EYS: variants seen among roughly 807,000 people sequenced by gnomAD.
EYS encodes EGF-like photoreceptor maintenance factor.
A neutral mutation model predicts 282.1 loss-of-function variants in EYS; 250 were observed. That is an observed-to-expected ratio of 0.89 (90% confidence interval 0.80 to 0.98). The LOEUF (loss-of-function observed/expected upper bound fraction) is 0.98, where lower values mean the gene tolerates loss of function less well. Ranked by LOEUF, EYS falls within the 50% of genes least tolerant of loss-of-function variation. The pLI is 0.00. For missense variants in EYS, 4,016 were observed against 3,709.0 expected (o/e 1.08, Z -2.15); for synonymous variants, 1,355 against 1,282.9 (o/e 1.06, Z -1.20).
At position 64,795,570 on chromosome 6, in the gene EYS, T is replaced by A. The variant is rs181780098; in HGVS notation, c.3443+17808A>T. 2.0e-5 allele frequency among the ~76,000 whole-genome samples: 3 copies of A among 152,336 alleles called. No homozygotes were observed. In the East Asian group the frequency reaches 5.8e-4, roughly 29 times the overall value. On this transcript the variant is annotated intron_variant, in intron 22 of 42. Coordinates refer to ENST00000503581, the MANE Select transcript of EYS (RefSeq NM_001142800.2). ...CCAAAGTCTTGAACTTCTTCATGAT[T>A]AATCTCTGCATCCAGGATTGGCATC... is the stretch of plus-strand genomic sequence containing the variant.
intron 41 of EYS, among the ~76,000 whole-genome samples, chr6:63,745,910 G>A (rs1769199319): frequency 6.6e-6 from 1 of 152,168 alleles, no homozygotes; most frequent in Non-Finnish European, 1.5e-5. Flanking sequence ...ACACCACAGA[G>A]CATGCTCTCT....
chr6:65,295,498 T>A (rs1299534015), intron 12 of EYS, among the ~76,000 whole-genome samples: 1 of 151,974 alleles, frequency 6.6e-6, no homozygotes, highest in African/African-American at 2.4e-5. Flanking sequence ...TCACTCCATG[T>A]GCTTATGCAG....
intron 26 of EYS, among the ~76,000 whole-genome samples, chr6:64,551,011 G>T (rs1190991095): frequency 6.6e-6 from 1 of 151,944 alleles, no homozygotes; most frequent in South Asian, 2.1e-4. Flanking sequence ...CAAGTGCTTA[G>T]CAGAAAAGCC....
At position 65,109,567 on chromosome 6, in the gene EYS, G is replaced by GC. The variant is rs530595454; in HGVS notation, c.2024-51841dup. Among the ~76,000 whole-genome samples, 81 of 150,802 alleles carry GC rather than the reference G, an allele frequency of 5.4e-4. No individual in the cohort carries two copies. The East Asian group carries it at 9.0e-3, about 17-fold the overall frequency. ...CATGTGAGAAGGTAAAGTTTTGAGA[G>GC]CCCCCCCTTTGGCTCTTTCCCTTTT... On this transcript the variant is annotated intron_variant, in intron 12 of 42. Coordinates refer to ENST00000503581, the MANE Select transcript of EYS (RefSeq NM_001142800.2).
At chr6:63,841,145 A>G (rs1463763878) in intron 36 of EYS, among the ~76,000 whole-genome samples, 1 of 152,222 alleles carries the variant, frequency 6.6e-6, no homozygotes, top group East Asian at 1.9e-4. Flanking sequence ...AGGTTTGTTT[A>G]AATATAATTT....
intron 28 of EYS, among the ~76,000 whole-genome samples, chr6:64,399,523 T>C (rs906841021): frequency 6.6e-6 from 1 of 151,538 alleles, no homozygotes. Context: ...CTCACCCTTG[T>C]TTAGTTATTT....
At chr6:65,273,940 G>A (rs1767972885) in intron 12 of EYS, among the ~76,000 whole-genome samples, 1 of 152,098 alleles carries the variant, frequency 6.6e-6, no homozygotes, top group Non-Finnish European at 1.5e-5. Context: ...AGGACTACTG[G>A]ACACTGTCCC....
chr6:64,001,649 C>T (rs973162666), intron 33 of EYS, among the ~76,000 whole-genome samples: 4 of 152,118 alleles, frequency 2.6e-5, no homozygotes, highest in Non-Finnish European at 4.4e-5. Context: ...GAGTTCATTG[C>T]TTAATTAATT....
intron 34 of EYS, among the ~76,000 whole-genome samples, chr6:63,995,471 C>T (rs1324249598): frequency 6.6e-6 from 1 of 151,886 alleles, no homozygotes; most frequent in Non-Finnish European, 1.5e-5. Flanking sequence ...GATGATGTAG[C>T]CACTGTAGAA....
rs534011704 is a variant in EYS at position 64,696,574 on chromosome 6, T to C, written c.3444-70329A>G. On this transcript the variant is annotated intron_variant, in intron 22 of 42. Coordinates refer to ENST00000503581, the MANE Select transcript of EYS (RefSeq NM_001142800.2). ...GCCATTAGACTCTCTAAAGTCAATA[T>C]GTTGGAAAAAAATTTCTAAAACCAG... Among the ~76,000 whole-genome samples, 7 of 152,232 alleles carry C rather than the reference T, an allele frequency of 4.6e-5. No individual in the cohort carries two copies. The South Asian group carries it at 8.3e-4, about 18-fold the overall frequency.
chr6:64,177,479 C>A lies in EYS; in HGVS notation c.6424+53113G>T, dbSNP rs564679837. 5.9e-4 allele frequency among the ~76,000 whole-genome samples: 89 copies of A among 151,980 alleles called. 2 individuals are homozygous for A. In the South Asian group the frequency reaches 0.018, roughly 31 times the overall value. On this transcript the variant is annotated intron_variant, in intron 31 of 42. Transcript: ENST00000503581. ...AAATTATTCTTCTAATTAGTTCTCC[C>A]TTTTTGAAATGTCATTAATCCCTTG... is the stretch of plus-strand genomic sequence containing the variant.
At chr6:65,584,352 C>T (rs555836428) in intron 2 of EYS, among the ~76,000 whole-genome samples, 1 of 152,020 alleles carries the variant, frequency 6.6e-6, no homozygotes, top group Non-Finnish European at 1.5e-5. Flanking sequence ...AACAGGAGAA[C>T]TCCACACAAC....
At chr6:65,420,431 G>T (rs1261917212) in intron 5 of EYS, among the ~76,000 whole-genome samples, 1 of 146,770 alleles carries the variant, frequency 6.8e-6, no homozygotes, top group African/African-American at 2.7e-5. Context: ...ACCTCTTTAG[G>T]CTCCACTTTT....
At chr6:64,346,279 A>G (rs1424790292) in intron 29 of EYS, among the ~76,000 whole-genome samples, 1 of 152,148 alleles carries the variant, frequency 6.6e-6, no homozygotes, top group Non-Finnish European at 1.5e-5. Context: ...ACTATTCACA[A>G]TAGCAAAGAC....
chr6:64,390,893 G>A (rs1243306218), intron 28 of EYS, among the ~76,000 whole-genome samples: 1 of 146,562 alleles, frequency 6.8e-6, no homozygotes, highest in Non-Finnish European at 1.5e-5. Flanking sequence ...TTAGAAGAAT[G>A]TATAACTAGA....
intron 22 of EYS, among the ~76,000 whole-genome samples, chr6:64,701,209 C>T (rs573203290): frequency 6.6e-6 from 1 of 152,098 alleles, no homozygotes; most frequent in South Asian, 2.1e-4. Flanking sequence ...TCATTATGTA[C>T]AAAAATTAAC....
At position 63,791,827 on chromosome 6, in the gene EYS, G is replaced by A. The variant is rs547527320; in HGVS notation, c.7412-2603C>T. Reference sequence around the variant, plus strand: ...AGTAATGTTGAGGATAGAATATAGAGGTACATAAGGAGGCTCATTGGAAAG... The same window carrying A: ...AGTAATGTTGAGGATAGAATATAGAAGTACATAAGGAGGCTCATTGGAAAG... On this transcript the variant is annotated intron_variant, in intron 37 of 42. Transcript: ENST00000503581. Among the ~76,000 whole-genome samples, 4 of 152,154 alleles carry A rather than the reference G, an allele frequency of 2.6e-5. No homozygotes were observed. The South Asian group carries it at 6.2e-4, about 24-fold the overall frequency.
chr6:64,856,431 G>C (rs1399367890), intron 19 of EYS, among the ~76,000 whole-genome samples: 1 of 152,048 alleles, frequency 6.6e-6, no homozygotes, highest in African/African-American at 2.4e-5. Context: ...CTCCCAAGTA[G>C]CTGGGACTAC....
chr6:64,662,904 G>A (rs538718175), intron 22 of EYS, among the ~76,000 whole-genome samples: 97 of 150,808 alleles, frequency 6.4e-4, no homozygotes, highest in African/African-American at 2.2e-3. Context: ...CCCCATTTTT[G>A]AGAATTACTG....
Sources: gnomAD v4.1 joint callset for allele counts (sites outside exome capture counted in the v4.1 genomes callset) on GRCh38, gnomAD v4.1.1 for gene constraint, MANE v1.5 for transcripts, NCBI Gene and HGNC (gene_info 2026-07-23, HGNC 2026-07-21) for gene names.